Variants in CPNE4 observed in about 807,000 individuals in gnomAD.
CPNE4 encodes copine-4.
CPNE4 carries 25 observed loss-of-function variants against 67.9 expected under a neutral mutation model. The observed-to-expected ratio is 0.37, with a 90% confidence interval of 0.27 to 0.51. The LOEUF (loss-of-function observed/expected upper bound fraction) is 0.51, where lower values mean the gene tolerates loss of function less well. Ranked by LOEUF, CPNE4 falls within the 20% of genes least tolerant of loss-of-function variation. CPNE4 has a pLI of 0.93. For synonymous variants in CPNE4, 242 were observed against 244.9 expected (o/e 0.99, Z 0.11); for missense variants, 464 against 690.8 (o/e 0.67, Z 3.68).
intron 15 of CPNE4, among the ~76,000 whole-genome samples, chr3:131,538,233 C>T (rs1935277291): frequency 1.3e-5 from 2 of 152,194 alleles, no homozygotes; most frequent in African/African-American, 4.8e-5. Flanking sequence ...GTCTTAGTCT[C>T]ACGCAACTAT....
In CPNE4 at chr3:131,540,348, A is replaced by G. The variant is rs145426275; in HGVS notation, c.1539+2209T>C. On this transcript the variant is annotated intron_variant, in intron 15 of 15. Coordinates refer to ENST00000429747, the MANE Select transcript of CPNE4 (RefSeq NM_130808.3). ...CCTTGGAATGTGCAGTTACTTCCCT[A>G]TGAAGTCTGGGCAGGTCATGAAATA... is the stretch of plus-strand genomic sequence containing the variant. 5.7e-3 allele frequency among the ~76,000 whole-genome samples: 873 copies of G among 152,314 alleles called. 9 individuals carry two copies. Among genetic ancestry groups the G allele is most frequent in the African/African-American group, 0.019 (786 of 41,582 alleles).
At chr3:131,801,426 G>A (rs971109131) in intron 2 of CPNE4, among the ~76,000 whole-genome samples, 30 of 76,120 alleles carry the variant, frequency 3.9e-4, no homozygotes, top group African/African-American at 1.7e-3. Context: ...GTGTGTGTGT[G>A]TGTGTGTGTG....
chr3:131,714,536 C>G (rs984121223), intron 3 of CPNE4, among the ~76,000 whole-genome samples: 27 of 152,090 alleles, frequency 1.8e-4, no homozygotes, highest in African/African-American at 6.5e-4. Flanking sequence ...AGATAATTAC[C>G]CAAAACACTG....
chr3:131,913,085 A>G (rs1052297589), intron 1 of CPNE4, among the ~76,000 whole-genome samples: 1 of 152,124 alleles, frequency 6.6e-6, no homozygotes, highest in Non-Finnish European at 1.5e-5. Flanking sequence ...TACTACTGTT[A>G]AAGTAGGTAG....
chr3:131,877,213 C>T (rs4566581), intron 2 of CPNE4, among the ~76,000 whole-genome samples: 96,236 of 151,836 alleles, frequency 0.63, 30,718 homozygotes, highest in Admixed American at 0.73. Context: ...AAAAAGGATT[C>T]CAGACATGGA....
intron 1 of CPNE4, among the ~76,000 whole-genome samples, chr3:132,023,601 C>T (rs184556152): frequency 6.7e-6 from 1 of 150,172 alleles, no homozygotes; most frequent in Non-Finnish European, 1.5e-5. Flanking sequence ...CATTCTCCTG[C>T]CTCAGCCTCC....
chr3:131,935,109 T>C (rs2071183913), intron 1 of CPNE4, among the ~76,000 whole-genome samples: 1 of 152,268 alleles, frequency 6.6e-6, no homozygotes, highest in Non-Finnish European at 1.5e-5. Context: ...TGTTTGTTGG[T>C]GCTTATGAAT....
chr3:131,970,017 G>A (rs752383271), intron 1 of CPNE4, among the ~76,000 whole-genome samples: 3 of 152,288 alleles, frequency 2.0e-5, no homozygotes, highest in South Asian at 2.1e-4. Flanking sequence ...TGCTGTTTAC[G>A]AAGGATTTCC....
intron 2 of CPNE4, among the ~76,000 whole-genome samples, chr3:131,872,510 C>A (rs1268435978): frequency 2.0e-5 from 3 of 152,188 alleles, no homozygotes; most frequent in African/African-American, 7.2e-5. Flanking sequence ...AGAACTTCAG[C>A]TGTTGGATAA....
At chr3:131,635,026 G>A (rs539354451) in intron 7 of CPNE4, among the ~76,000 whole-genome samples, 55 of 152,170 alleles carry the variant, frequency 3.6e-4, no homozygotes, top group African/African-American at 1.2e-3. Flanking sequence ...GTCTTTGATC[G>A]GTGACTTATG....
At chr3:131,636,829 T>C (rs1355437869) in intron 7 of CPNE4, among the ~76,000 whole-genome samples, 1 of 152,202 alleles carries the variant, frequency 6.6e-6, no homozygotes, top group Non-Finnish European at 1.5e-5. Context: ...CTAGTATCCA[T>C]GGCTGCAAGA....
chr3:132,012,382 T>A (rs1239986637), intron 1 of CPNE4, among the ~76,000 whole-genome samples: 1 of 152,164 alleles, frequency 6.6e-6, no homozygotes, highest in African/African-American at 2.4e-5. Context: ...TTGGCCAGGT[T>A]GGTCTCAAAC....
At chr3:132,026,048 A>G (rs2074108592) in intron 1 of CPNE4, among the ~76,000 whole-genome samples, 1 of 152,272 alleles carries the variant, frequency 6.6e-6, no homozygotes, top group African/African-American at 2.4e-5. Flanking sequence ...GTAATATGTC[A>G]TACAACTTCA....
chr3:131,940,254 G>C (rs2071347160), intron 1 of CPNE4, among the ~76,000 whole-genome samples: 1 of 152,032 alleles, frequency 6.6e-6, no homozygotes, highest in African/African-American at 2.4e-5. Flanking sequence ...GAATCTTCTA[G>C]ATTAACCATG....
chr3:132,010,624 C>G (rs575542569), intron 1 of CPNE4, among the ~76,000 whole-genome samples: 1 of 152,238 alleles, frequency 6.6e-6, no homozygotes, highest in Non-Finnish European at 1.5e-5. Flanking sequence ...CCAGTGATGG[C>G]CCGGTCAGGG....
chr3:131,659,820 T>A (rs1475446854), intron 7 of CPNE4, among the ~76,000 whole-genome samples: 1 of 152,142 alleles, frequency 6.6e-6, no homozygotes, highest in Non-Finnish European at 1.5e-5. Context: ...CCCAGATTGC[T>A]GAGAGAACAA....
chr3:132,013,851 G>A (rs1387889185), intron 1 of CPNE4, among the ~76,000 whole-genome samples: 1 of 152,100 alleles, frequency 6.6e-6, no homozygotes, highest in Admixed American at 6.5e-5. Context: ...AGCTAGAGGT[G>A]GTGGATCCCA....
At chr3:131,868,439 G>T (rs1280979434) in intron 2 of CPNE4, among the ~76,000 whole-genome samples, 4 of 152,184 alleles carry the variant, frequency 2.6e-5, no homozygotes, top group Admixed American at 6.5e-5. Flanking sequence ...CGTGGAGAAT[G>T]GCGAAGCAAA....
intron 2 of CPNE4, among the ~76,000 whole-genome samples, chr3:131,823,539 C>T (rs1244732701): frequency 6.6e-6 from 1 of 152,164 alleles, no homozygotes; most frequent in Non-Finnish European, 1.5e-5. Flanking sequence ...CTTTCATTTT[C>T]ACTGAGTGTG....
Sources: allele counts gnomAD v4.1 joint callset (sites outside exome capture counted in the v4.1 genomes callset), GRCh38; gene constraint gnomAD v4.1.1; transcripts MANE v1.5; gene names NCBI Gene and HGNC (gene_info 2026-07-23, HGNC 2026-07-21).